SVEP1: variants seen among roughly 807,000 people sequenced by gnomAD.
SVEP1 encodes sushi, von Willebrand factor type A, EGF and pentraxin domain-containing protein 1.
A neutral mutation model predicts 367.3 loss-of-function variants in SVEP1; 164 were observed. The ratio of observed to expected loss-of-function variants is 0.45; its 90% CI spans 0.39 to 0.51. The LOEUF is 0.51. SVEP1 is among the 20% of genes least tolerant of loss of function. The pLI is 0.00. For missense variants in SVEP1, 4,117 were observed against 4,425.3 expected (o/e 0.93, Z 1.98); for synonymous variants, 1,666 against 1,611.6 (o/e 1.03, Z -0.81).
intron 47 of SVEP1, 76 bp downstream of exon 47, chr9:110,369,847 T>G: frequency 8.2e-7 from 1 of 1,225,260 alleles, no homozygotes; most frequent in South Asian, 1.5e-5. Context: ...AGAGATAACT[T>G]CTGGCTCTTA....
At chr9:110,446,068 G>A (rs1828592936) in intron 25 of SVEP1, 30 bp from the exon 26 acceptor site, 1 of 1,564,702 alleles carries the variant, frequency 6.4e-7, no homozygotes, top group Non-Finnish European at 8.7e-7. Flanking sequence ...TGTGCAGACT[G>A]TGGCACTTGA....
chr9:110,408,528 G>A lies in SVEP1; in HGVS notation c.7072C>T (p.Pro2358Ser). ...GATGGCAAGCATTTCAGGACAGAGGGGCCTTGCAGGACATGCCCTTCTTTA... is the reference window on the plus strand; with the variant it reads ...GATGGCAAGCATTTCAGGACAGAGGAGCCTTGCAGGACATGCCCTTCTTTA... ...SCKEGHVLQG[P>S]SVLKCLPSQQ... The change falls in exon 38 of 48, where the codon CCC becomes TCC. Residue 2358 changes from proline (P) to serine (S), a missense_variant. By Grantham distance (74) the Pro-to-Ser change is moderately conservative. Transcript: ENST00000374469. The A allele has an allele frequency of 1.9e-6, 3 of 1,613,778 alleles. No homozygotes were observed. The highest frequency in any genetic ancestry group is 2.5e-6 in the Non-Finnish European group (3 of 1,179,858).
chr9:110,407,100 T>C lies in SVEP1; in HGVS notation c.8500A>G (p.Ser2834Gly), dbSNP rs763968183. 4.3e-6 allele frequency: 7 copies of C among 1,613,930 alleles called. No homozygotes were observed. In the African/African-American group the frequency reaches 6.7e-5, roughly 15 times the overall value. The change falls in exon 38 of 48, where the codon AGT becomes GGT. Residue 2834 changes from serine to glycine, a missense_variant. This residue lies in a region of SVEP1 where 1,765 missense variants were observed against 1,781.1 expected (regional missense o/e 0.99). Transcript: ENST00000374469. ...DEPICIPVDC[S>G]SPPVSANGQV... Reference sequence around the variant, plus strand: ...CCATTGGCTGAGACTGGGGGTGAACTGCAGTCCACAGGAATGCAAATGGGC... The same window carrying C: ...CCATTGGCTGAGACTGGGGGTGAACCGCAGTCCACAGGAATGCAAATGGGC...
At chr9:110,369,670 T>G in intron 47 of SVEP1, 1 of 370,054 alleles carries the variant, frequency 2.7e-6, no homozygotes, top group East Asian at 4.8e-5. Flanking sequence ...AAGTTCCAGT[T>G]TTAGTATATG....
At chr9:110,544,916 C>G (rs764432221) in intron 3 of SVEP1, among the ~76,000 whole-genome samples, 1 of 152,008 alleles carries the variant, frequency 6.6e-6, no homozygotes, top group Non-Finnish European at 1.5e-5. Flanking sequence ...TCTCTTCATC[C>G]CCCATACCTT....
chr9:110,474,750 G>T (rs1243835997), intron 14 of SVEP1, among the ~76,000 whole-genome samples: 1 of 152,106 alleles, frequency 6.6e-6, no homozygotes, highest in African/African-American at 2.4e-5. Flanking sequence ...TCACTAAAGT[G>T]CTGTACATAA....
chr9:110,443,476 C>T, intron 27 of SVEP1, 69 bp downstream of exon 27: 1 of 1,275,320 alleles, frequency 7.8e-7, no homozygotes, highest in Non-Finnish European at 1.0e-6. Context: ...TGCTAGCAAA[C>T]CTGATGTCCA....
At chr9:110,410,946 C>T in intron 37 of SVEP1, 117 bp downstream of exon 37, 1 of 816,680 alleles carries the variant, frequency 1.2e-6, no homozygotes, top group Non-Finnish European at 1.8e-6. Context: ...TAGTAAATTC[C>T]AGTTTCCATG....
At chr9:110,381,488 C>T (rs367893282) in intron 43 of SVEP1, among the ~76,000 whole-genome samples, 13 of 152,112 alleles carry the variant, frequency 8.5e-5, no homozygotes, top group South Asian at 4.2e-4. Context: ...TCAATTTCCA[C>T]GTAGTTGTGT....
rs779438996 is a variant in SVEP1, at chr9:110,385,938, G to A, written c.10197C>T (p.Asn3399=). 1.2e-6 allele frequency: 2 copies of A among 1,613,864 alleles called. No homozygotes were observed. Among genetic ancestry groups the A allele is most frequent in the African/African-American group, 1.3e-5 (1 of 75,034 alleles). ...LLQGHGIITC[N]PDETWTQTSA... Reference sequence around the variant, plus strand: ...TTGTCTGTGTCCACGTCTCGTCGGGGTTGCAGGTAATGATGCCGTGGCCCT... The same window carrying A: ...TTGTCTGTGTCCACGTCTCGTCGGGATTGCAGGTAATGATGCCGTGGCCCT... The change falls in exon 43 of 48, where the codon AAC becomes AAT. Residue 3399 remains asparagine, a synonymous_variant. Coordinates refer to ENST00000374469, the MANE Select transcript of SVEP1 (RefSeq NM_153366.4).
At chr9:110,514,969 C>T (rs140486669) in intron 3 of SVEP1, among the ~76,000 whole-genome samples, 6 of 152,224 alleles carry the variant, frequency 3.9e-5, no homozygotes, top group African/African-American at 7.2e-5. Flanking sequence ...ATAATCCAAC[C>T]GACAGGAACT....
intron 14 of SVEP1, among the ~76,000 whole-genome samples, chr9:110,473,401 TATAA>T (rs1322898509): frequency 6.6e-6 from 1 of 152,164 alleles, no homozygotes; most frequent in Admixed American, 6.6e-5. Flanking sequence ...ACTGTGAATG[TATAA>T]ATATACACAC....
At chr9:110,430,070 AG>A (rs1828326486) in intron 33 of SVEP1, 66 bp from the exon 34 acceptor site, 7 of 1,517,382 alleles carry the variant, frequency 4.6e-6, no homozygotes, top group Non-Finnish European at 6.3e-6. Context: ...TGAAATTTCA[AG>A]GGGCAGCTCA....
Position 110,458,529 on chromosome 9 carries a change from C to T in SVEP1, c.3518G>A (p.Ser1173Asn). 1 of 1,612,792 alleles carries T rather than the reference C, an allele frequency of 6.2e-7. No individual in the cohort carries two copies. The stretch of plus-strand genomic sequence containing the variant: ...TCCAAGAGAGGCAGGGGGCACCACA[C>T]TTTCCTCTGCCGCTGAGAAAGTTGA... ...FSSTFSAAEE[S>N]VVPPASLGHI... Residue 1173 changes from serine (S) to asparagine (N), a missense_variant, in exon 20 of 48, where the codon AGT (serine) becomes AAT (asparagine). Ser to Asn is a conservative substitution (Grantham distance 46). This residue lies in a region of SVEP1 where 2,174 missense variants were observed against 2,494.3 expected (regional missense o/e 0.87). Transcript: ENST00000374469.
chr9:110,406,076 C>CCAAT (rs1231860638), intron 38 of SVEP1, 84 bp downstream of exon 38: 2 of 1,486,300 alleles, frequency 1.3e-6, no homozygotes, highest in African/African-American at 2.8e-5. Context: ...TGTTTTCTTC[C>CCAAT]CAATCAGCAA....
At chr9:110,572,789 C>CAAAAAAAAAAAAAAAA (rs56077443) in intron 1 of SVEP1, among the ~76,000 whole-genome samples, 26 of 76,520 alleles carry the variant, frequency 3.4e-4, no homozygotes, top group South Asian at 5.2e-4. Context: ...CTCTCTCTCA[C>CAAAAAAAAAAAAAAAA]AAAAAAAAAA....
intron 23 of SVEP1, 64 bp downstream of exon 23, chr9:110,451,225 A>T: frequency 7.8e-7 from 1 of 1,277,508 alleles, no homozygotes; most frequent in Admixed American, 1.9e-5. Context: ...ATGTTAAGAA[A>T]TGTACTAATT....
At chr9:110,574,709 CCAGTTTAGA>C (rs1830604258) in intron 1 of SVEP1, among the ~76,000 whole-genome samples, 1 of 151,208 alleles carries the variant, frequency 6.6e-6, no homozygotes, top group Non-Finnish European at 1.5e-5. Flanking sequence ...ATGTAGGCTT[CCAGTTTAGA>C]CAGGGACTGA....
chr9:110,478,595 T>C lies in SVEP1; in HGVS notation c.2487+1040A>G, dbSNP rs16915064. 9.4e-3 allele frequency among the ~76,000 whole-genome samples: 1,429 copies of C among 152,318 alleles called. 29 individuals are homozygous for C. Among genetic ancestry groups the C allele is most frequent in the African/African-American group, 0.032 (1,343 of 41,566 alleles). On this transcript the variant is annotated intron_variant, in intron 13 of 47. Transcript: ENST00000374469. ...TATGAGTGTATTGTTGCCTTTCGAG[T>C]ATAGGTCTATAGTAACAGAGGCCTA...
Sources: allele counts gnomAD v4.1 joint callset (sites outside exome capture counted in the v4.1 genomes callset), GRCh38; gene constraint gnomAD v4.1.1; regional missense constraint gnomAD v4.1.1; transcripts MANE v1.5; gene names NCBI Gene and HGNC (gene_info 2026-07-23, HGNC 2026-07-21).